The following COL9A2 variants were observed in gnomAD, a reference collection of about 807,000 sequenced individuals.
COL9A2 encodes collagen type IX alpha 2 chain.
A neutral mutation model predicts 111.6 loss-of-function variants in COL9A2; 66 were observed. That is an observed-to-expected ratio of 0.59 (90% CI 0.48 to 0.73). The LOEUF is 0.73. Among genes scored for constraint, COL9A2 ranks in the 30% least tolerant of loss-of-function variants. The pLI is 0.00. For synonymous variants in COL9A2, 353 were observed against 364.1 expected (o/e 0.97, Z 0.35); for missense variants, 881 against 954.1 (o/e 0.92, Z 1.01).
intron 16 of COL9A2, 67 bp from the exon 17 acceptor site, chr1:40,308,312 G>A: frequency 6.6e-7 from 1 of 1,526,498 alleles, no homozygotes; most frequent in Non-Finnish European, 9.0e-7. Flanking sequence ...TGCAGAGAGG[G>A]GAACCACTGA....
chr1:40,316,555 C>T lies in COL9A2; in HGVS notation c.75+568G>A. On this transcript the variant is annotated intron_variant, in intron 1 of 31. Transcript: ENST00000372748. The surrounding 1 kb of genome is among the most constrained non-coding windows in gnomAD (Gnocchi z 5.5). ...CGGACCCAGGCAGGGGTCCCGGTGC[C>T]CACGACCTCCCCAGGCCGCGAAGTG... 1 of 452,086 alleles carries T rather than the reference C, an allele frequency of 2.2e-6. No individual in the cohort carries two copies. The highest frequency in any genetic ancestry group is 4.4e-6 in the Non-Finnish European group (1 of 225,040). The allele number at this position is 452,086 out of a possible 1,614,324, so 28.0% of individuals were successfully genotyped here.
At chr1:40,305,271 G>A (rs58354784) in intron 21 of COL9A2, among the ~76,000 whole-genome samples, 6,005 of 151,780 alleles carry the variant, frequency 0.04, 393 homozygotes, top group African/African-American at 0.14. Context: ...GTTTCACCGC[G>A]GTCTGGATCT....
Position 40,308,404 on chromosome 1 carries a change from C to G in COL9A2, c.847-159G>C, listed in dbSNP as rs1342646603. ...CCGGAGGAGAGAGCCTTGGGAGTACCCTTCCTGCCCTGGCACCAGCAGGAG... is the reference window on the plus strand; with the variant it reads ...CCGGAGGAGAGAGCCTTGGGAGTACGCTTCCTGCCCTGGCACCAGCAGGAG... On this transcript the variant is annotated intron_variant, in intron 16 of 31. Transcript: ENST00000372748. Among the ~76,000 whole-genome samples the G allele has an allele frequency of 2.6e-5, 4 of 152,160 alleles. No individual in the cohort carries two copies. In the East Asian group the frequency reaches 7.7e-4, roughly 29 times the overall value.
chr1:40,311,294 CAG>C lies in COL9A2; in HGVS notation c.520-10_520-9del, dbSNP rs1206405587. On this transcript the variant is annotated splice_polypyrimidine_tract_variant and intron_variant, in intron 10 of 31. Transcript: ENST00000372748. This position sits in a 1 kb window ranked among gnomAD's most constrained non-coding sequence, Gnocchi z 5.1. The stretch of plus-strand genomic sequence containing the variant: ...TGGACAGTTGGTTGGACACTGGAAA[CAG>C]AAAATCCCACAGGGTCCTGTGATCA... 17 of 1,613,552 alleles carry C rather than the reference CAG, an allele frequency of 1.1e-5. No individual in the cohort carries two copies. The highest frequency in any genetic ancestry group is 5.0e-5 in the Admixed American group (3 of 59,946).
Position 40,310,312 on chromosome 1 carries a change from G to C in COL9A2, c.690C>G (p.Pro230=). ...TGCCTGGGTAGCCCCTGATGCCCTG[G>C]GGACCCTGTTGAGAAAGAAAAATGA... The part of the protein sequence containing the change: ...GEQGIPGPPG[P]QGIRGYPGMA... The change falls in exon 14 of 32, where the codon CCC becomes CCG. Residue 230 remains proline, a synonymous_variant. Coordinates refer to ENST00000372748, the MANE Select transcript of COL9A2 (RefSeq NM_001852.4). The surrounding 1 kb of genome is among the most constrained non-coding windows in gnomAD (Gnocchi z 4.9). 6.2e-7 allele frequency: 1 copy of C among 1,614,024 alleles called. No homozygotes were observed. Among genetic ancestry groups the C allele is most frequent in the South Asian group, 1.1e-5 (1 of 91,074 alleles).
chr1:40,310,621 T>C lies in COL9A2; in HGVS notation c.684+93A>G. The C allele has an allele frequency of 8.5e-7, 1 of 1,176,648 alleles. No individual in the cohort carries two copies. The highest frequency in any genetic ancestry group is 1.3e-5 in the South Asian group (1 of 76,302). The allele number at this position is 1,176,648 out of a possible 1,614,324, so 72.9% of individuals were successfully genotyped here. ...GCTCCCAGCTAGACACAGGTGTCTC[T>C]TTTACAAGCTAGAGGCCTGAGCAGG... On this transcript the variant is annotated intron_variant, in intron 13 of 31. Transcript: ENST00000372748. This position sits in a 1 kb window ranked among gnomAD's most constrained non-coding sequence, Gnocchi z 4.9.
chr1:40,315,222 A>G, intron 2 of COL9A2: 1 of 1,061,694 alleles, frequency 9.4e-7, no homozygotes, highest in Non-Finnish European at 1.1e-6. Flanking sequence ...GGTCTGGCCA[A>G]GGCTCCCAAG....
Position 40,311,684 on chromosome 1 carries a change from G to T in COL9A2, c.449C>A (p.Pro150His), listed in dbSNP as rs1319650731. The T allele has an allele frequency of 6.2e-7, 1 of 1,613,868 alleles. No individual in the cohort carries two copies. Among genetic ancestry groups the T allele is most frequent in the Non-Finnish European group, 8.5e-7 (1 of 1,179,974 alleles). ...GDPGPDGPSGPPGPPGKPGRP... is the reference protein window; with the variant it reads ...GDPGPDGPSGHPGPPGKPGRP... ...TACAGGTTTCCCAGGGGGTCCTGGGGGCCCCGATGGTCCATCTGGTCCAGG... is the reference window on the plus strand; with the variant it reads ...TACAGGTTTCCCAGGGGGTCCTGGGTGCCCCGATGGTCCATCTGGTCCAGG... The change falls in exon 9 of 32, where the codon CCC becomes CAC. Residue 150 changes from proline to histidine, a missense_variant. Pro to His is a moderately conservative substitution (Grantham distance 77). Coordinates refer to ENST00000372748, the MANE Select transcript of COL9A2 (RefSeq NM_001852.4). This position sits in a 1 kb window ranked among gnomAD's most constrained non-coding sequence, Gnocchi z 5.1.
chr1:40,311,723 C>A lies in COL9A2; in HGVS notation c.418-8G>T. 1 of 1,613,802 alleles carries A rather than the reference C, an allele frequency of 6.2e-7. No homozygotes were observed. The highest frequency in any genetic ancestry group is 8.5e-7 in the Non-Finnish European group (1 of 1,179,980). On this transcript the variant is annotated splice_polypyrimidine_tract_variant and splice_region_variant and intron_variant, in intron 8 of 31. Transcript: ENST00000372748. The surrounding 1 kb of genome is among the most constrained non-coding windows in gnomAD (Gnocchi z 5.1). ...ATCTGGTCCAGGGTCCCCCTGGAAG[C>A]AAAAGAAGCCCAAATCATACCCCTG...
At chr1:40,304,719 G>T in intron 22 of COL9A2, 75 bp downstream of exon 22, 2 of 1,454,224 alleles carry the variant, frequency 1.4e-6, no homozygotes, top group Non-Finnish European at 1.9e-6. Context: ...CGGGCTGCAC[G>T]GAGCAGATGC....
In COL9A2 at chr1:40,317,143, C is replaced by T. The variant is rs1202494153; in HGVS notation, c.55G>A (p.Val19Met). 3.2e-6 allele frequency: 5 copies of T among 1,585,356 alleles called. No homozygotes were observed. In the South Asian group the frequency reaches 5.8e-5, roughly 18 times the overall value. ...RSLLVLLQVV[V>M]LALAQIRGPP... Reference sequence around the variant, plus strand: ...CTTACAATCTGCGCCAGAGCGAGCACTACCACCTGGAGGAGAACAAGGAGG... The same window carrying T: ...CTTACAATCTGCGCCAGAGCGAGCATTACCACCTGGAGGAGAACAAGGAGG... Residue 19 changes from valine (V) to methionine (M), a missense_variant, in exon 1 of 32, where the codon GTG becomes ATG. Physicochemically the swap from Val to Met is conservative, Grantham distance 21 (BLOSUM62 1). Transcript: ENST00000372748. This position sits in a 1 kb window ranked among gnomAD's most constrained non-coding sequence, Gnocchi z 4.3.
intron 31 of COL9A2, 124 bp from the exon 32 acceptor site, chr1:40,301,505 C>T: frequency 1.2e-6 from 1 of 810,152 alleles, no homozygotes; most frequent in Non-Finnish European, 1.9e-6. Context: ...AAGGACTCTG[C>T]CCCAGAGGCA....
chr1:40,307,303 TG>T lies in COL9A2; in HGVS notation c.1008+142del. ...AAGGCTAGAGTAATTGTCCAAGTAA[TG>T]AAGCCTTCGCCAGGCCAGGGGCCAC... On this transcript the variant is annotated intron_variant, in intron 19 of 31. Transcript: ENST00000372748. The surrounding 1 kb of genome is among the most constrained non-coding windows in gnomAD (Gnocchi z 4.8). 1.3e-6 allele frequency: 1 copy of T among 792,486 alleles called. No homozygotes were observed. The highest frequency in any genetic ancestry group is 2.1e-6 in the Non-Finnish European group (1 of 467,930). 49.1% of individuals were successfully genotyped at this position (792,486 alleles called of 1,614,324 possible). A position where few individuals can be genotyped will look rare whatever the true frequency, so the allele number is the denominator to read the frequency against.
chr1:40,311,280 T>A lies in COL9A2; in HGVS notation c.526A>T (p.Thr176Ser). Reference sequence around the variant, plus strand: ...CCTTTCATTCCGGGTGGACAGTTGGTTGGACACTGGAAACAGAAAATCCCA... The same window carrying A: ...CCTTTCATTCCGGGTGGACAGTTGGATGGACACTGGAAACAGAAAATCCCA... ...LEGSADFLCP[T>S]NCPPGMKGPP... Residue 176 changes from threonine (T) to serine (S), a missense_variant, in exon 11 of 32, where the codon ACC (threonine) becomes TCC (serine). Thr to Ser is a moderately conservative substitution (Grantham distance 58). Coordinates refer to ENST00000372748, the MANE Select transcript of COL9A2 (RefSeq NM_001852.4). The surrounding 1 kb of genome is among the most constrained non-coding windows in gnomAD (Gnocchi z 5.1). 1 of 1,614,052 alleles carries A rather than the reference T, an allele frequency of 6.2e-7. No homozygotes were observed.
intron 20 of COL9A2, 141 bp from the exon 21 acceptor site, chr1:40,305,909 G>A: frequency 1.2e-6 from 1 of 849,300 alleles, no homozygotes; most frequent in Non-Finnish European, 2.0e-6. Context: ...AATCCTCTTG[G>A]CTCCTGATTT....
chr1:40,302,589 G>A lies in COL9A2; in HGVS notation c.1792+32C>T. On this transcript the variant is annotated intron_variant, in intron 30 of 31. Transcript: ENST00000372748. The surrounding 1 kb of genome is among the most constrained non-coding windows in gnomAD (Gnocchi z 4.5). ...CGGCCTGGACAAATCCTCACTGCCT[G>A]GCCCCCATGCCCACCGCAGAGGAGC... The A allele has an allele frequency of 1.3e-6, 2 of 1,574,560 alleles. No homozygotes were observed. The highest frequency in any genetic ancestry group is 1.7e-6 in the Non-Finnish European group (2 of 1,163,438).
rs976539922 is a variant in COL9A2, at chr1:40,302,702, C to T, written c.1711G>A (p.Gly571Ser). Residue 571 changes from glycine (G) to serine (S), a missense_variant, in exon 30 of 32, where the codon GGC (glycine) becomes AGC (serine). Transcript: ENST00000372748. The surrounding 1 kb of genome is among the most constrained non-coding windows in gnomAD (Gnocchi z 4.5). ...PGPPGYPGKQ[G>S]PHGHPGPRGV... is the part of the protein sequence containing the mutation. ...CGAGGGCCAGGGTGCCCATGGGGGC[C>T]CTGCTTGCCTGGGTACCCAGGGGGC... The T allele has an allele frequency of 1.3e-6, 2 of 1,587,194 alleles. No homozygotes were observed. The highest frequency in any genetic ancestry group is 1.7e-6 in the Non-Finnish European group (2 of 1,168,184).
At chr1:40,304,691 G>T (rs1416293813) in intron 22 of COL9A2, 103 bp downstream of exon 22, 4 of 1,396,258 alleles carry the variant, frequency 2.9e-6, no homozygotes, top group Non-Finnish European at 4.0e-6. Flanking sequence ...CCTAGGCCCT[G>T]CCTGGGGAGG....
Position 40,303,625 on chromosome 1 carries a change from C to T in COL9A2, c.1453G>A (p.Ala485Thr), listed in dbSNP as rs772338077. The T allele has an allele frequency of 1.6e-5, 26 of 1,596,814 alleles. No individual in the cohort carries two copies. The South Asian group carries it at 2.6e-4, about 16-fold the overall frequency. The change falls in exon 28 of 32, where the codon GCC (alanine) becomes ACC (threonine). Residue 485 changes from alanine to threonine, a missense_variant. By Grantham distance (58) the Ala-to-Thr change is moderately conservative. Coordinates refer to ENST00000372748, the MANE Select transcript of COL9A2 (RefSeq NM_001852.4). This position sits in a 1 kb window ranked among gnomAD's most constrained non-coding sequence, Gnocchi z 4.6. ...CCAGGGTAGCCCTGAACCCCTGGGG[C>T]GCCCGCATCCCCGCTGGGGCCAGGG... is the stretch of plus-strand genomic sequence containing the variant. ...GYPGPSGDAG[A>T]PGVQGYPGPP...
Sources: gnomAD v4.1 joint callset for allele counts (sites outside exome capture counted in the v4.1 genomes callset) on GRCh38, gnomAD v4.1.1 for gene constraint, Gnocchi (gnomAD v3.1) non-coding constraint, MANE v1.5 for transcripts, NCBI Gene and HGNC (gene_info 2026-07-23, HGNC 2026-07-21) for gene names.